PLCH1: variants seen among roughly 807,000 people sequenced by gnomAD.
The protein encoded by PLCH1 is phospholipase C eta 1.
A neutral mutation model predicts 126.7 loss-of-function variants in PLCH1; 60 were observed. The ratio of observed to expected loss-of-function variants is 0.47; its 90% CI spans 0.38 to 0.59. The LOEUF is 0.59. Among genes scored for constraint, PLCH1 ranks in the 20% least tolerant of loss-of-function variants. The pLI is 0.00. For synonymous variants in PLCH1, 719 were observed against 734.9 expected, an observed-to-expected ratio of 0.98 and a Z score of 0.35; for missense variants, 1,723 against 2,040.0, an observed-to-expected ratio of 0.84 and a Z score of 2.99.
intron 21 of PLCH1, among the ~76,000 whole-genome samples, chr3:155,451,983 A>C (rs1443757621): frequency 1.3e-5 from 2 of 152,110 alleles, no homozygotes. Context: ...TCCTTATAAT[A>C]AATCTCTCTC....
At chr3:155,708,614 T>C (rs866018687) in intron 1 of PLCH1, among the ~76,000 whole-genome samples, 3 of 152,190 alleles carry the variant, frequency 2.0e-5, no homozygotes, top group Admixed American at 6.5e-5. Context: ...CATTCATTTA[T>C]TTTTTAGACA....
chr3:155,493,115 C>G (rs1441020637), intron 17 of PLCH1, among the ~76,000 whole-genome samples: 3 of 152,154 alleles, frequency 2.0e-5, no homozygotes, highest in Non-Finnish European at 4.4e-5. Context: ...TGAACACCAA[C>G]AGTGTAAAAA....
At chr3:155,564,698 A>G (rs1393375166) in intron 8 of PLCH1, among the ~76,000 whole-genome samples, 1 of 152,242 alleles carries the variant, frequency 6.6e-6, no homozygotes, top group African/African-American at 2.4e-5. Flanking sequence ...AACTAACGGT[A>G]TGCTTCACAA....
intron 21 of PLCH1, among the ~76,000 whole-genome samples, chr3:155,464,625 T>A (rs192591014): frequency 7.2e-5 from 11 of 152,300 alleles, no homozygotes; most frequent in Non-Finnish European, 1.5e-4. Flanking sequence ...GAGACCTCAC[T>A]TGTGTGAGTG....
intron 2 of PLCH1, among the ~76,000 whole-genome samples, chr3:155,616,923 AC>A (rs748279045): frequency 3.3e-5 from 5 of 152,066 alleles, no homozygotes; most frequent in Non-Finnish European, 5.9e-5. Flanking sequence ...AACCTGATTA[AC>A]CCTGTTAGAT....
chr3:155,503,781 A>G (rs1278535750), intron 13 of PLCH1, among the ~76,000 whole-genome samples: 3 of 152,152 alleles, frequency 2.0e-5, no homozygotes, highest in African/African-American at 7.2e-5. Flanking sequence ...CAGGTGATCC[A>G]CCCACCAAGG....
Position 155,485,455 on chromosome 3 carries a change from G to C in PLCH1, c.2875C>G (p.Arg959Gly). The C allele has an allele frequency of 6.2e-7, 1 of 1,614,080 alleles. No homozygotes were observed. Among genetic ancestry groups the C allele is most frequent in the Non-Finnish European group, 8.5e-7 (1 of 1,179,940 alleles). ...LRRTTRSLQA[R>G]PVSMPVDRNL... ...CTGTCAACAGGCATAGAGACAGGGC[G>C]TGCTTGCAAACTGCGTGTGGTCCTC... Residue 959 changes from arginine to glycine, a missense_variant, in exon 22 of 23, where the codon CGC (arginine) becomes GGC (glycine). Physicochemically the swap from Arg to Gly is moderately radical, Grantham distance 125. This residue lies in a region of PLCH1 where 947 missense variants were observed against 977.1 expected (regional missense o/e 0.97). Transcript: ENST00000460012.
intron 12 of PLCH1, among the ~76,000 whole-genome samples, chr3:155,510,191 T>G (rs1369070842): frequency 3.7e-5 from 4 of 107,960 alleles, no homozygotes; most frequent in Non-Finnish European, 7.2e-5. Flanking sequence ...TGCCTTTTTT[T>G]GTTTTCCATT....
chr3:155,634,489 G>A (rs1342601336), intron 2 of PLCH1, among the ~76,000 whole-genome samples: 1 of 152,222 alleles, frequency 6.6e-6, no homozygotes, highest in Non-Finnish European at 1.5e-5. Context: ...AGGTCACCAT[G>A]ACCAACAGAG....
At chr3:155,656,567 T>C (rs1383891138) in intron 2 of PLCH1, among the ~76,000 whole-genome samples, 1 of 152,158 alleles carries the variant, frequency 6.6e-6, no homozygotes, top group Non-Finnish European at 1.5e-5. Context: ...TCTTCAGAAA[T>C]ACTAAAAGGG....
intron 1 of PLCH1, among the ~76,000 whole-genome samples, chr3:155,709,888 G>A (rs1173023794): frequency 1.3e-5 from 2 of 152,140 alleles, no homozygotes; most frequent in East Asian, 3.9e-4. Flanking sequence ...AAAGTACTGG[G>A]ATTACAGATG....
intron 2 of PLCH1, among the ~76,000 whole-genome samples, chr3:155,667,464 C>G (rs1363163203): frequency 1.3e-5 from 2 of 151,734 alleles, no homozygotes; most frequent in Non-Finnish European, 2.9e-5. Flanking sequence ...GGAATGTAAC[C>G]TTAGAATAGT....
At chr3:155,580,787 A>C (rs1053249350) in intron 6 of PLCH1, among the ~76,000 whole-genome samples, 3 of 152,168 alleles carry the variant, frequency 2.0e-5, no homozygotes, top group African/African-American at 7.2e-5. Context: ...ATTCTACCTC[A>C]AAAAGGAAAA....
intron 2 of PLCH1, among the ~76,000 whole-genome samples, chr3:155,621,958 C>G (rs1736574066): frequency 6.6e-6 from 1 of 152,076 alleles, no homozygotes; most frequent in Non-Finnish European, 1.5e-5. Context: ...GACACATAAT[C>G]GTCAGATTCA....
At chr3:155,679,472 T>C (rs1014332308) in intron 2 of PLCH1, among the ~76,000 whole-genome samples, 2 of 152,162 alleles carry the variant, frequency 1.3e-5, no homozygotes, top group Admixed American at 1.3e-4. Context: ...ACTCCATAAA[T>C]AGAAGCTAAT....
At chr3:155,676,110 G>A (rs1309870610) in intron 2 of PLCH1, 2 of 1,410,190 alleles carry the variant, frequency 1.4e-6, no homozygotes, top group African/African-American at 1.5e-5. Context: ...GCCTTTTCCT[G>A]ATACACATTT....
chr3:155,541,805 C>A (rs1196634532), intron 10 of PLCH1, among the ~76,000 whole-genome samples: 2 of 131,734 alleles, frequency 1.5e-5, no homozygotes, highest in Non-Finnish European at 3.3e-5. Flanking sequence ...TTGCCACAAA[C>A]CTTCAATTTG....
intron 10 of PLCH1, among the ~76,000 whole-genome samples, chr3:155,548,239 A>G (rs1486569491): frequency 6.6e-6 from 1 of 152,212 alleles, no homozygotes; most frequent in African/African-American, 2.4e-5. Flanking sequence ...TCTGATAGTA[A>G]AGGAACACAA....
chr3:155,540,963 A>G (rs950160991), intron 10 of PLCH1, among the ~76,000 whole-genome samples: 4 of 152,222 alleles, frequency 2.6e-5, no homozygotes, highest in African/African-American at 9.7e-5. Context: ...ACAAGTCACA[A>G]TTGCAAAGAT....
Sources: gnomAD v4.1 joint callset for allele counts (sites outside exome capture counted in the v4.1 genomes callset) on GRCh38, gnomAD v4.1.1 for gene constraint, gnomAD v4.1.1 regional missense constraint, MANE v1.5 for transcripts, NCBI Gene and HGNC (gene_info 2026-07-23, HGNC 2026-07-21) for gene names.